ERC2: variants seen among roughly 807,000 people sequenced by gnomAD.
The protein encoded by ERC2 is ELKS/RAB6-interacting/CAST family member 2.
Under a neutral mutation model 114.8 loss-of-function variants are expected in ERC2, and 42 were observed. The observed-to-expected ratio is 0.37, with a 90% CI of 0.29 to 0.47. ERC2 has a LOEUF of 0.47. Ranked by LOEUF, ERC2 falls within the 20% of genes least tolerant of loss-of-function variation. ERC2 has a pLI of 0.99. For missense variants in ERC2, 939 were observed against 1,150.7 expected, an observed-to-expected ratio of 0.82 and a Z score of 2.66; for synonymous variants, 454 against 425.5, an observed-to-expected ratio of 1.07 and a Z score of -0.82.
chr3:55,791,886 T>G (rs935182608), intron 14 of ERC2, among the ~76,000 whole-genome samples: 1 of 152,214 alleles, frequency 6.6e-6, no homozygotes, highest in Non-Finnish European at 1.5e-5. Flanking sequence ...CTGATCCACC[T>G]TCCTATTGAT....
chr3:56,414,027 G>A (rs2061045724), intron 2 of ERC2, among the ~76,000 whole-genome samples: 1 of 152,222 alleles, frequency 6.6e-6, no homozygotes, highest in South Asian at 2.1e-4. Context: ...GGGTTGGGAT[G>A]CTGATTTCAT....
At chr3:56,311,974 G>GA (rs1373885589) in intron 2 of ERC2, among the ~76,000 whole-genome samples, 1 of 151,970 alleles carries the variant, frequency 6.6e-6, no homozygotes, top group East Asian at 1.9e-4. Flanking sequence ...AATAAAAAAA[G>GA]AAAAAATATA....
intron 2 of ERC2, among the ~76,000 whole-genome samples, chr3:56,428,685 C>T (rs1375569993): frequency 6.6e-6 from 1 of 152,150 alleles, no homozygotes; most frequent in African/African-American, 2.4e-5. Flanking sequence ...AAATAAGAAT[C>T]AATAAATCCT....
At chr3:56,329,300 G>A (rs918584964) in intron 2 of ERC2, among the ~76,000 whole-genome samples, 3 of 152,080 alleles carry the variant, frequency 2.0e-5, no homozygotes, top group Non-Finnish European at 4.4e-5. Flanking sequence ...AACAGTGCAC[G>A]AAAAGTACTA....
chr3:55,977,850 T>C (rs567353349), intron 12 of ERC2, among the ~76,000 whole-genome samples: 1 of 152,072 alleles, frequency 6.6e-6, no homozygotes. Context: ...ACAGACTCAA[T>C]TAAATAGTAT....
intron 11 of ERC2, among the ~76,000 whole-genome samples, chr3:55,991,621 C>A (rs1291824584): frequency 3.9e-5 from 6 of 152,184 alleles, no homozygotes; most frequent in African/African-American, 1.4e-4. Context: ...CTTCCTTCTT[C>A]CGCTATCTTG....
chr3:55,860,072 C>T (rs910569484), intron 14 of ERC2, among the ~76,000 whole-genome samples: 1 of 152,114 alleles, frequency 6.6e-6, no homozygotes, highest in African/African-American at 2.4e-5. Context: ...AACTCTCCCA[C>T]CCGAAGGTTT....
intron 15 of ERC2, among the ~76,000 whole-genome samples, chr3:55,734,163 C>T (rs2065475899): frequency 6.6e-6 from 1 of 152,082 alleles, no homozygotes; most frequent in East Asian, 1.9e-4. Context: ...ATACAGTGGC[C>T]TAGAGGGGTG....
chr3:56,256,544 C>T (rs2052527606), intron 3 of ERC2, among the ~76,000 whole-genome samples: 1 of 151,824 alleles, frequency 6.6e-6, no homozygotes, highest in African/African-American at 2.4e-5. Context: ...GACTTAATTT[C>T]CAGGAATTTT....
chr3:55,919,204 C>A (rs767432559), intron 13 of ERC2, among the ~76,000 whole-genome samples: 1 of 152,032 alleles, frequency 6.6e-6, no homozygotes, highest in Non-Finnish European at 1.5e-5. Context: ...CATAACAAGA[C>A]CTTATCTCTA....
intron 13 of ERC2, among the ~76,000 whole-genome samples, chr3:55,928,879 G>A (rs2065905295): frequency 1.3e-5 from 2 of 152,160 alleles, no homozygotes; most frequent in South Asian, 2.1e-4. Context: ...TTTCCCCAAT[G>A]TATCATTCTT....
chr3:55,701,430 C>A (rs1035743431), intron 15 of ERC2, among the ~76,000 whole-genome samples: 6 of 152,184 alleles, frequency 3.9e-5, no homozygotes, highest in African/African-American at 1.4e-4. Flanking sequence ...TGCTTTGATT[C>A]TGTTAAGTTT....
chr3:56,073,174 TGAAAGGTGGGA>T (rs1297023291), intron 7 of ERC2, among the ~76,000 whole-genome samples: 2 of 152,088 alleles, frequency 1.3e-5, no homozygotes, highest in Non-Finnish European at 2.9e-5. Context: ...GAGATAATAC[TGAAAGGTGGGA>T]GAAAGGTCTG....
chr3:55,844,646 G>C (rs1413241178), intron 14 of ERC2, among the ~76,000 whole-genome samples: 1 of 152,164 alleles, frequency 6.6e-6, no homozygotes, highest in East Asian at 1.9e-4. Context: ...ATGTACAAAG[G>C]TGAAGTCATA....
intron 17 of ERC2, among the ~76,000 whole-genome samples, chr3:55,664,430 A>G (rs1181825180): frequency 6.6e-6 from 1 of 152,098 alleles, no homozygotes; most frequent in Non-Finnish European, 1.5e-5. Context: ...TCTGTTCGCA[A>G]ATGCGCACAT....
At chr3:55,790,824 A>G (rs997941106) in intron 14 of ERC2, among the ~76,000 whole-genome samples, 1 of 152,236 alleles carries the variant, frequency 6.6e-6, no homozygotes, top group Non-Finnish European at 1.5e-5. Flanking sequence ...TTACTGAATG[A>G]ATGGTAAACA....
intron 2 of ERC2, among the ~76,000 whole-genome samples, chr3:56,349,772 G>A (rs1025303246): frequency 1.3e-5 from 2 of 152,096 alleles, no homozygotes; most frequent in African/African-American, 4.8e-5. Flanking sequence ...AATTAGCCAG[G>A]CTTGGTGGCA....
chr3:55,569,784 AT>A, intron 17 of ERC2, among the ~76,000 whole-genome samples: 1 of 151,948 alleles, frequency 6.6e-6, no homozygotes, highest in East Asian at 1.9e-4. Flanking sequence ...TTTGATGATC[AT>A]TTCGTGGTGT....
At chr3:55,637,479 G>T (rs2060005364) in intron 17 of ERC2, among the ~76,000 whole-genome samples, 1 of 152,166 alleles carries the variant, frequency 6.6e-6, no homozygotes, top group African/African-American at 2.4e-5. Context: ...TGAGGGGCTT[G>T]TGTGAAGGCA....
Sources: gnomAD v4.1 joint callset for allele counts (sites outside exome capture counted in the v4.1 genomes callset) on GRCh38, gnomAD v4.1.1 for gene constraint, MANE v1.5 for transcripts, NCBI Gene and HGNC (gene_info 2026-07-23, HGNC 2026-07-21) for gene names.